KCNIP1: variants seen among roughly 807,000 people sequenced by gnomAD.
KCNIP1 encodes the protein potassium voltage-gated channel interacting protein 1, also known as A-type potassium channel modulatory protein KCNIP1.
KCNIP1 carries 18 observed loss-of-function variants against 33.0 expected under a neutral mutation model. That is an observed-to-expected ratio of 0.55 (90% CI 0.38 to 0.81). The LOEUF is 0.81. Ranked by LOEUF, KCNIP1 falls within the 30% of genes least tolerant of loss-of-function variation. The pLI is 0.00. For missense variants in KCNIP1, 238 were observed against 271.6 expected (o/e 0.88, Z 0.87); for synonymous variants, 93 against 98.3 (o/e 0.95, Z 0.32).
chr5:170,548,219 T>G (rs748755644), intron 1 of KCNIP1, among the ~76,000 whole-genome samples: 35 of 152,236 alleles, frequency 2.3e-4, no homozygotes, highest in Non-Finnish European at 4.6e-4. Context: ...GCTGAAATGT[T>G]CAAACCTCTT....
intron 2 of KCNIP1, among the ~76,000 whole-genome samples, chr5:170,719,583 G>C (rs9313519): frequency 0.014 from 2,057 of 152,198 alleles, 53 homozygotes; most frequent in African/African-American, 0.047. Context: ...ACAGCGACAT[G>C]CACCTGGTCA....
At chr5:170,423,094 G>A (rs764022463) in intron 1 of KCNIP1, among the ~76,000 whole-genome samples, 4 of 152,062 alleles carry the variant, frequency 2.6e-5, no homozygotes, top group African/African-American at 4.8e-5. Flanking sequence ...TCAAACAAAC[G>A]AACTTCAGTG....
chr5:170,512,703 A>G (rs1387231432), intron 1 of KCNIP1, among the ~76,000 whole-genome samples: 5 of 152,196 alleles, frequency 3.3e-5, no homozygotes, highest in Non-Finnish European at 5.9e-5. Flanking sequence ...TACTCCACTT[A>G]AAGTGTGCTC....
rs572596757 is a variant in KCNIP1, at chr5:170,531,195, G to C, written c.61+26562G>C. Reference sequence around the variant, plus strand: ...GATGTGGCAGCAAACAGGTATACTAGGGGATCAACGAGGGGAATTATTATG... The same window carrying C: ...GATGTGGCAGCAAACAGGTATACTACGGGATCAACGAGGGGAATTATTATG... On this transcript the variant is annotated intron_variant, in intron 1 of 7. Transcript: ENST00000328939. Among the ~76,000 whole-genome samples the C allele has an allele frequency of 7.2e-5, 11 of 152,278 alleles. No individual in the cohort carries two copies. The East Asian group carries it at 2.1e-3, about 29-fold the overall frequency.
chr5:170,584,838 A>G (rs1757929584), intron 1 of KCNIP1, among the ~76,000 whole-genome samples: 1 of 152,196 alleles, frequency 6.6e-6, no homozygotes, highest in Non-Finnish European at 1.5e-5. Flanking sequence ...TCCTCCCCAC[A>G]GTCTCCCAGA....
intron 1 of KCNIP1, among the ~76,000 whole-genome samples, chr5:170,519,268 T>G (rs1755268631): frequency 6.6e-6 from 1 of 152,198 alleles, no homozygotes; most frequent in African/African-American, 2.4e-5. Context: ...ATGTGTGGCT[T>G]GGATTCACCT....
chr5:170,383,955 G>T, intron 1 of KCNIP1: 2 of 1,200,188 alleles, frequency 1.7e-6, no homozygotes, highest in Non-Finnish European at 2.3e-6. Context: ...AGGGATCCAG[G>T]ACTGGGATCC....
chr5:170,501,086 C>T (rs765974609), upstream of KCNIP1, among the ~76,000 whole-genome samples: 1 of 152,144 alleles, frequency 6.6e-6, no homozygotes, highest in Non-Finnish European at 1.5e-5. Context: ...GCAGTTAAAA[C>T]AGTCCAGAGG....
intron 1 of KCNIP1, among the ~76,000 whole-genome samples, chr5:170,563,745 A>G (rs1292895328): frequency 6.6e-6 from 1 of 152,118 alleles, no homozygotes; most frequent in East Asian, 1.9e-4. Flanking sequence ...GGTTCAAACG[A>G]TTCTCCTGCC....
chr5:170,386,008 C>T lies in KCNIP1; in HGVS notation c.88+32044C>T, dbSNP rs567089078. 1.6e-3 allele frequency among the ~76,000 whole-genome samples: 240 copies of T among 151,736 alleles called. 1 individual carries two copies. The highest frequency in any genetic ancestry group is 5.5e-3 in the African/African-American group (228 of 41,408). Reference sequence around the variant, plus strand: ...GGGTGTGGTCGTGGGAGCCAGTAGTCCCAGCTACAGGGGAGGCTGAGGCAG... The same window carrying T: ...GGGTGTGGTCGTGGGAGCCAGTAGTTCCAGCTACAGGGGAGGCTGAGGCAG... On this transcript the variant is annotated intron_variant, in intron 1 of 7. Coordinates refer to the KCNIP1 transcript ENST00000377360.
intron 1 of KCNIP1, among the ~76,000 whole-genome samples, chr5:170,460,711 A>G (rs1756485400): frequency 6.6e-6 from 1 of 151,938 alleles, no homozygotes; most frequent in Admixed American, 6.6e-5. Flanking sequence ...AAAGTCATCT[A>G]TGACAAACCC....
intron 1 of KCNIP1, among the ~76,000 whole-genome samples, chr5:170,459,736 G>A (rs1488541030): frequency 6.6e-6 from 1 of 152,136 alleles, no homozygotes; most frequent in African/African-American, 2.4e-5. Flanking sequence ...ACATTGAAAA[G>A]TCTGAAAGAG....
chr5:170,473,542 T>A (rs1756783665), intron 1 of KCNIP1, among the ~76,000 whole-genome samples: 1 of 149,518 alleles, frequency 6.7e-6, no homozygotes, highest in Middle Eastern at 3.4e-3. Context: ...GGGCCAGGAG[T>A]TTTTAATAAT....
At chr5:170,555,599 C>T (rs986081795) in intron 1 of KCNIP1, among the ~76,000 whole-genome samples, 6 of 152,154 alleles carry the variant, frequency 3.9e-5, no homozygotes, top group Admixed American at 1.3e-4. Context: ...CACACATGCC[C>T]TCATGCTCTG....
intron 1 of KCNIP1, among the ~76,000 whole-genome samples, chr5:170,612,419 C>T (rs1312027574): frequency 6.6e-6 from 1 of 152,232 alleles, no homozygotes; most frequent in Non-Finnish European, 1.5e-5. Flanking sequence ...CACTTGCTCT[C>T]CTGGCGGCTC....
intron 1 of KCNIP1, among the ~76,000 whole-genome samples, chr5:170,700,096 C>G (rs1763041065): frequency 6.6e-6 from 1 of 152,134 alleles, no homozygotes; most frequent in South Asian, 2.1e-4. Flanking sequence ...ATCCCAGCCT[C>G]CAGACACACC....
intron 1 of KCNIP1, among the ~76,000 whole-genome samples, chr5:170,656,839 G>T (rs1761286638): frequency 6.6e-6 from 1 of 152,062 alleles, no homozygotes; most frequent in African/African-American, 2.4e-5. Flanking sequence ...ACATGGGAGG[G>T]AGCCACAGGT....
chr5:170,674,451 T>C (rs968490675), intron 1 of KCNIP1, among the ~76,000 whole-genome samples: 1 of 152,186 alleles, frequency 6.6e-6, no homozygotes, highest in African/African-American at 2.4e-5. Flanking sequence ...CACAGGAACA[T>C]GGTGCAGTCA....
intron 1 of KCNIP1, among the ~76,000 whole-genome samples, chr5:170,513,051 G>GAA (rs766634519): frequency 3.7e-5 from 5 of 136,718 alleles, no homozygotes; most frequent in Admixed American, 7.3e-5. Context: ...CTCCATCTTG[G>GAA]AAAAAAAAAA....
Sources: gnomAD v4.1 joint callset for allele counts (sites outside exome capture counted in the v4.1 genomes callset) on GRCh38, gnomAD v4.1.1 for gene constraint, MANE v1.5 for transcripts, NCBI Gene and HGNC (gene_info 2026-07-23, HGNC 2026-07-21) for gene names.